KCNAB3: variants seen among roughly 807,000 people sequenced by gnomAD.
The protein encoded by KCNAB3 is voltage-gated potassium channel subunit beta-3.
KCNAB3 carries 62 observed loss-of-function variants against 67.7 expected under a neutral mutation model. That is an observed-to-expected ratio of 0.92 (90% CI 0.75 to 1.13). KCNAB3 has a LOEUF of 1.13. KCNAB3 is among the 50% of genes most tolerant of loss of function. KCNAB3 has a pLI of 0.00. For synonymous variants in KCNAB3, 212 were observed against 205.4 expected (o/e 1.03, Z -0.27); for missense variants, 514 against 522.9 (o/e 0.98, Z 0.17).
rs906291588 is a variant in KCNAB3, at chr17:7,922,813, G to A, written c.*289C>T. The A allele has an allele frequency of 4.8e-5, 25 of 515,558 alleles. No individual in the cohort carries two copies. Among genetic ancestry groups the A allele is most frequent in the Admixed American group, 4.5e-4 (14 of 31,348 alleles). The allele number at this position is 515,558 out of a possible 1,614,324, so 31.9% of individuals were successfully genotyped here. Reference sequence around the variant, plus strand: ...ATAAGGGGAGGAGAGTAGGGAGCGAGACGAAGTGGCAGAGAGCCGACGGCG... The same window carrying A: ...ATAAGGGGAGGAGAGTAGGGAGCGAAACGAAGTGGCAGAGAGCCGACGGCG... On this transcript the variant is annotated 3_prime_UTR_variant, in exon 14 of 14. Coordinates refer to ENST00000303790, the MANE Select transcript of KCNAB3 (RefSeq NM_004732.4).
chr17:7,926,267 G>A (rs941099226), intron 4 of KCNAB3, among the ~76,000 whole-genome samples, 164 bp from the exon 5 acceptor site: 1 of 152,218 alleles, frequency 6.6e-6, no homozygotes, highest in Non-Finnish European at 1.5e-5. Flanking sequence ...GAAGGAACTA[G>A]GGGTGTAGTT....
chr17:7,928,925 C>T (rs1220620479), intron 1 of KCNAB3, among the ~76,000 whole-genome samples: 2 of 152,166 alleles, frequency 1.3e-5, no homozygotes, highest in African/African-American at 4.8e-5. Context: ...GCATCCCTGA[C>T]CTTCCCAGGG....
Position 7,923,035 on chromosome 17 carries a change from C to T in KCNAB3, c.*67G>A. ...GTGGAGGGATCCGGAGCGGGAGAGG[C>T]GGCTGCGAGGAGCGGGGCTCGGGCG... On this transcript the variant is annotated 3_prime_UTR_variant, in exon 14 of 14. Coordinates refer to ENST00000303790, the MANE Select transcript of KCNAB3 (RefSeq NM_004732.4). The T allele has an allele frequency of 5.5e-6, 8 of 1,462,460 alleles. No homozygotes were observed. The highest frequency in any genetic ancestry group is 7.7e-6 in the Non-Finnish European group (8 of 1,043,532). The allele number at this position is 1,462,460 out of a possible 1,614,324, so 90.6% of individuals were successfully genotyped here.
chr17:7,927,949 C>G (rs550970852), intron 1 of KCNAB3, 123 bp from the exon 2 acceptor site: 9 of 1,147,844 alleles, frequency 7.8e-6, no homozygotes, highest in Non-Finnish European at 1.0e-5. Flanking sequence ...AGAAATTAGA[C>G]CCAGTGGGCC....
Position 7,922,958 on chromosome 17 carries a change from C to G in KCNAB3, c.*144G>C. 1.3e-6 allele frequency: 1 copy of G among 741,684 alleles called. No individual in the cohort carries two copies. The highest frequency in any genetic ancestry group is 2.4e-6 in the Non-Finnish European group (1 of 421,514). The allele number at this position is 741,684 out of a possible 1,614,324, so 45.9% of individuals were successfully genotyped here. On this transcript the variant is annotated 3_prime_UTR_variant, in exon 14 of 14. Transcript: ENST00000303790. ...ATGGCTTTGTTCATGCGTATCACTACTCGAAGCCGGGACTCGTTGGTGGGC... is the reference window on the plus strand; with the variant it reads ...ATGGCTTTGTTCATGCGTATCACTAGTCGAAGCCGGGACTCGTTGGTGGGC...
In KCNAB3 at chr17:7,923,948, C is replaced by A. The variant is rs1371429643; in HGVS notation, c.927+20G>T. The A allele has an allele frequency of 2.5e-6, 4 of 1,609,092 alleles. No individual in the cohort carries two copies. In the African/African-American group the frequency reaches 4.0e-5, roughly 16 times the overall value. ...AGCCCATATAGCCCAGTCCTGCCAT[C>A]GAGAGCCCCCAGATCTCACCTTGAT... is the stretch of plus-strand genomic sequence containing the variant. On this transcript the variant is annotated intron_variant, in intron 11 of 13. Transcript: ENST00000303790.
rs1389171436 is a variant in KCNAB3, at chr17:7,929,629, G to A, written c.-194C>T. On this transcript the variant is annotated 5_prime_UTR_variant, in exon 1 of 14. Coordinates refer to ENST00000303790, the MANE Select transcript of KCNAB3 (RefSeq NM_004732.4). This position sits in a 1 kb window ranked among gnomAD's most constrained non-coding sequence, Gnocchi z 5.7. ...TGCTGGAGGTCGCGAGGTTTGCGGCGGGAGGGAAGAAACGTGGGGGGCGCC... is the reference window on the plus strand; with the variant it reads ...TGCTGGAGGTCGCGAGGTTTGCGGCAGGAGGGAAGAAACGTGGGGGGCGCC... 13 of 1,429,908 alleles carry A rather than the reference G, an allele frequency of 9.1e-6. No homozygotes were observed. The highest frequency in any genetic ancestry group is 1.5e-5 in the African/African-American group (1 of 67,918). 88.6% of individuals were successfully genotyped at this position (1,429,908 alleles called of 1,614,324 possible). A position where few individuals can be genotyped will look rare whatever the true frequency, so the allele number is the denominator to read the frequency against.
In KCNAB3 at chr17:7,929,820, GCTGGGCTC is replaced by G; in HGVS notation, c.-393_-386del. Reference sequence around the variant, plus strand: ...TTCAGCGCGAACCGCTGCGGGACCCGCTGGGCTCCCAGCCGCGTCGGCAGCGGGCCCAG... The same window carrying G: ...TTCAGCGCGAACCGCTGCGGGACCCGCCAGCCGCGTCGGCAGCGGGCCCAG... On this transcript the variant is annotated 5_prime_UTR_variant, in exon 1 of 14. Transcript: ENST00000303790. This position sits in a 1 kb window ranked among gnomAD's most constrained non-coding sequence, Gnocchi z 5.7. The G allele has an allele frequency of 2.0e-6, 2 of 1,022,714 alleles. No individual in the cohort carries two copies. Among genetic ancestry groups the G allele is most frequent in the Admixed American group, 6.0e-5 (1 of 16,802 alleles). The allele number at this position is 1,022,714 out of a possible 1,614,324, so 63.4% of individuals were successfully genotyped here.
At chr17:7,923,290 G>T in intron 13 of KCNAB3, 111 bp from the exon 14 acceptor site, 1 of 1,296,610 alleles carries the variant, frequency 7.7e-7, no homozygotes, top group South Asian at 1.2e-5. Flanking sequence ...GGCAAGGCAA[G>T]AGCCGCAGCT....
In KCNAB3 at chr17:7,929,488, A is replaced by G; in HGVS notation, c.-53T>C. 1 of 1,484,230 alleles carries G rather than the reference A, an allele frequency of 6.7e-7. No homozygotes were observed. Among genetic ancestry groups the G allele is most frequent in the South Asian group, 1.2e-5 (1 of 82,366 alleles). The allele number at this position is 1,484,230 out of a possible 1,614,324, so 91.9% of individuals were successfully genotyped here. A position where few individuals can be genotyped will look rare whatever the true frequency, so the allele number is the denominator to read the frequency against. On this transcript the variant is annotated 5_prime_UTR_variant, in exon 1 of 14. Coordinates refer to ENST00000303790, the MANE Select transcript of KCNAB3 (RefSeq NM_004732.4). This position sits in a 1 kb window ranked among gnomAD's most constrained non-coding sequence, Gnocchi z 5.7. ...CTCCGAGGGGACGGGAGGGGGGAGC[A>G]GGGAAGCCCGAGGGCTGACGACCGG...
Position 7,922,138 on chromosome 17 carries a change from A to G in KCNAB3, c.*964T>C, listed in dbSNP as rs1317374442. ...GGGGCGAGAGGGCCAGACAAGTGAGACTGTGACCCTAACCTCCCAAGCCCC... is the reference window on the plus strand; with the variant it reads ...GGGGCGAGAGGGCCAGACAAGTGAGGCTGTGACCCTAACCTCCCAAGCCCC... On this transcript the variant is annotated 3_prime_UTR_variant, in exon 14 of 14. Transcript: ENST00000303790. 1 of 152,168 alleles carries G rather than the reference A, an allele frequency of 6.6e-6. No individual in the cohort carries two copies. Among genetic ancestry groups the G allele is most frequent in the East Asian group, 1.9e-4 (1 of 5,188 alleles). 9.4% of individuals were successfully genotyped at this position (152,168 alleles called of 1,614,324 possible). A position where few individuals can be genotyped will look rare whatever the true frequency, so the allele number is the denominator to read the frequency against.
chr17:7,928,785 T>C (rs1972323442), intron 1 of KCNAB3, among the ~76,000 whole-genome samples: 1 of 152,096 alleles, frequency 6.6e-6, no homozygotes, highest in Admixed American at 6.5e-5. Context: ...AGGGGCAGTA[T>C]CTGGGTCAGG....
At chr17:7,926,540 A>G (rs1418938282) in intron 4 of KCNAB3, among the ~76,000 whole-genome samples, 2 of 152,218 alleles carry the variant, frequency 1.3e-5, no homozygotes, top group Non-Finnish European at 2.9e-5. Flanking sequence ...GCCACAATCT[A>G]TGGTCCAGCC....
At position 7,924,076 on chromosome 17, in the gene KCNAB3, A is replaced by AAGGAAGAACTC. The variant is rs1448909988; in HGVS notation, c.833-15_833-14insGAGTTCTTCCT. On this transcript the variant is annotated splice_polypyrimidine_tract_variant and intron_variant, in intron 10 of 13. Coordinates refer to ENST00000303790, the MANE Select transcript of KCNAB3 (RefSeq NM_004732.4). ...CTGATCCAACTCCTAAGGGAAGAAC[A>AAGGAAGAACTC]CTGGGTGTCAGGAAAAGGACCTAGC... 3 of 1,614,052 alleles carry AAGGAAGAACTC rather than the reference A, an allele frequency of 1.9e-6. No individual in the cohort carries two copies. Among genetic ancestry groups the AAGGAAGAACTC allele is most frequent in the Non-Finnish European group, 2.5e-6 (3 of 1,180,016 alleles).
At chr17:7,924,769 G>T in intron 8 of KCNAB3, 1 of 1,042,964 alleles carries the variant, frequency 9.6e-7, no homozygotes, top group Non-Finnish European at 1.3e-6. Flanking sequence ...TTGAGACAGG[G>T]TCTCACTCTG....
intron 10 of KCNAB3, 22 bp from the exon 11 acceptor site, chr17:7,924,084 T>G (rs1214250231): frequency 6.2e-7 from 1 of 1,613,924 alleles, no homozygotes; most frequent in Non-Finnish European, 8.5e-7. Context: ...ACACTGGGTG[T>G]CAGGAAAAGG....
At chr17:7,928,903 G>A (rs1290094663) in intron 1 of KCNAB3, among the ~76,000 whole-genome samples, 3 of 152,168 alleles carry the variant, frequency 2.0e-5, no homozygotes, top group African/African-American at 2.4e-5. Flanking sequence ...TCCGTGTAGC[G>A]TGGAGATCCA....
rs1972275742 is a variant in KCNAB3, at chr17:7,927,567, CTTG to C, written c.324+87_324+89del. The C allele has an allele frequency of 3.2e-6, 5 of 1,555,610 alleles. No individual in the cohort carries two copies. The South Asian group carries it at 4.4e-5, about 14-fold the overall frequency. On this transcript the variant is annotated intron_variant, in intron 3 of 13. Coordinates refer to ENST00000303790, the MANE Select transcript of KCNAB3 (RefSeq NM_004732.4). The stretch of plus-strand genomic sequence containing the variant: ...AGCCTCAGATCCCTCATTCCCTGTG[CTTG>C]TTGTCCAAACCCCTATCCAGGTTCA...
rs914209198 is a variant in KCNAB3 at position 7,923,969 on chromosome 17, T to C, written c.926A>G (p.Lys309Arg). The C allele has an allele frequency of 4.4e-6, 7 of 1,608,800 alleles. No individual in the cohort carries two copies. Among genetic ancestry groups the C allele is most frequent in the Non-Finnish European group, 5.9e-6 (7 of 1,178,638 alleles). The change falls in exon 11 of 14, where the codon AAG becomes AGG. Residue 309 changes from lysine to arginine, a missense_variant and splice_region_variant. Coordinates refer to ENST00000303790, the MANE Select transcript of KCNAB3 (RefSeq NM_004732.4). ...RVPDTCRASIKGYQWLKDKVQ... is the reference protein window; with the variant it reads ...RVPDTCRASIRGYQWLKDKVQ... ...CCATCGAGAGCCCCCAGATCTCACCTTGATGGAGGCCCTGCAAGTATCTGG... is the reference window on the plus strand; with the variant it reads ...CCATCGAGAGCCCCCAGATCTCACCCTGATGGAGGCCCTGCAAGTATCTGG...
Sources: gnomAD v4.1 joint callset for allele counts (sites outside exome capture counted in the v4.1 genomes callset) on GRCh38, gnomAD v4.1.1 for gene constraint, Gnocchi (gnomAD v3.1) non-coding constraint, MANE v1.5 for transcripts, NCBI Gene and HGNC (gene_info 2026-07-23, HGNC 2026-07-21) for gene names.